FAM178B: variants seen among roughly 807,000 people sequenced by gnomAD.
FAM178B encodes the protein family with sequence similarity 178 member B, also known as protein FAM178B.
FAM178B carries 82 observed loss-of-function variants against 91.7 expected under a neutral mutation model. The ratio of observed to expected loss-of-function variants is 0.89; its 90% CI spans 0.75 to 1.07. The LOEUF (loss-of-function observed/expected upper bound fraction) is 1.07, where lower values mean the gene tolerates loss of function less well. Among genes scored for constraint, FAM178B ranks in the 50% least tolerant of loss-of-function variants. The probability of loss-of-function intolerance (pLI) is 0.00; values close to 1 mark genes in which losing one functional copy is unlikely to be tolerated. For missense variants in FAM178B, 769 were observed against 846.7 expected, an observed-to-expected ratio of 0.91 and a Z score of 1.14; for synonymous variants, 368 against 359.4, an observed-to-expected ratio of 1.02 and a Z score of -0.27.
intron 12 of FAM178B, among the ~76,000 whole-genome samples, chr2:96,908,543 A>G (rs1311579765): frequency 6.6e-6 from 1 of 152,102 alleles, no homozygotes; most frequent in Non-Finnish European, 1.5e-5. Context: ...CTCAAAAACC[A>G]ACCAACCAAC....
At chr2:96,949,514 T>C (rs959188605) in intron 7 of FAM178B, among the ~76,000 whole-genome samples, 1 of 152,154 alleles carries the variant, frequency 6.6e-6, no homozygotes, top group Non-Finnish European at 1.5e-5. Context: ...TCCCCATCCC[T>C]GGGTCCAGCT....
chr2:96,940,420 G>C (rs570615504), intron 8 of FAM178B, among the ~76,000 whole-genome samples: 37 of 152,322 alleles, frequency 2.4e-4, no homozygotes, highest in Admixed American at 7.2e-4. Context: ...CCACAAGAGA[G>C]GCAGATCGGG....
chr2:96,947,733 C>T (rs933396369), intron 8 of FAM178B, 85 bp downstream of exon 8: 17 of 759,994 alleles, frequency 2.2e-5, no homozygotes, highest in African/African-American at 3.6e-5. Flanking sequence ...ATCTCGCCTG[C>T]AGCTGGGCTC....
intron 12 of FAM178B, among the ~76,000 whole-genome samples, chr2:96,906,864 A>G (rs557514032): frequency 6.6e-6 from 1 of 152,344 alleles, no homozygotes; most frequent in South Asian, 2.1e-4. Flanking sequence ...AGTGAACTCA[A>G]AGCCAGTCAG....
chr2:96,889,948 G>A (rs2080629175), intron 14 of FAM178B, among the ~76,000 whole-genome samples: 1 of 147,738 alleles, frequency 6.8e-6, no homozygotes, highest in Non-Finnish European at 1.5e-5. Context: ...TGACCAGCCT[G>A]GGCAACGTGA....
At chr2:96,895,737 G>A (rs1244896237) in intron 13 of FAM178B, among the ~76,000 whole-genome samples, 1 of 152,238 alleles carries the variant, frequency 6.6e-6, no homozygotes, top group African/African-American at 2.4e-5. Flanking sequence ...CAGAAGCAGG[G>A]TGGCCATGGG....
chr2:96,890,723 A>G (rs1431824201), intron 14 of FAM178B, among the ~76,000 whole-genome samples: 4 of 152,180 alleles, frequency 2.6e-5, no homozygotes, highest in Non-Finnish European at 5.9e-5. Context: ...TGGGAAGGCA[A>G]CTGGGGCGAA....
At chr2:96,929,876 G>T (rs2081510743) in intron 8 of FAM178B, among the ~76,000 whole-genome samples, 1 of 152,188 alleles carries the variant, frequency 6.6e-6, no homozygotes, top group East Asian at 1.9e-4. Flanking sequence ...GCGCTATGGG[G>T]ACCAGTTTCC....
At chr2:96,976,556 A>G (rs1386489869) in intron 1 of FAM178B, among the ~76,000 whole-genome samples, 1 of 152,000 alleles carries the variant, frequency 6.6e-6, no homozygotes, top group African/African-American at 2.4e-5. Context: ...TCAAAAAGTG[A>G]AAACAGGGCT....
Position 96,904,013 on chromosome 2 carries a change from G to A in FAM178B, c.1563-1306C>T, listed in dbSNP as rs1162641344. Among the ~76,000 whole-genome samples, 3 of 152,158 alleles carry A rather than the reference G, an allele frequency of 2.0e-5. No individual in the cohort carries two copies. The East Asian group carries it at 5.8e-4, about 29-fold the overall frequency. On this transcript the variant is annotated intron_variant, in intron 12 of 16. Transcript: ENST00000490605. Reference sequence around the variant, plus strand: ...AACACGAGCTGGGGCCATGCCAGGTGCTGGTGGGGGCGCAGGGTTATGGGC... The same window carrying A: ...AACACGAGCTGGGGCCATGCCAGGTACTGGTGGGGGCGCAGGGTTATGGGC...
intron 8 of FAM178B, among the ~76,000 whole-genome samples, chr2:96,939,409 T>C (rs2081688095): frequency 6.6e-6 from 1 of 152,008 alleles, no homozygotes; most frequent in South Asian, 2.1e-4. Context: ...GGCAGGAGAA[T>C]GGCGTGAACC....
intron 1 of FAM178B, among the ~76,000 whole-genome samples, chr2:96,984,870 A>C (rs2082404180): frequency 6.6e-6 from 1 of 152,082 alleles, no homozygotes. Context: ...TGCGTCTCCA[A>C]CTCTGGATCC....
intron 12 of FAM178B, among the ~76,000 whole-genome samples, chr2:96,903,125 C>T (rs943461643): frequency 6.6e-6 from 1 of 152,166 alleles, no homozygotes; most frequent in African/African-American, 2.4e-5. Flanking sequence ...CTGCAAGCTC[C>T]GCCTCCCGGG....
At chr2:96,952,672 C>T (rs1353154848) in intron 6 of FAM178B, among the ~76,000 whole-genome samples, 1 of 152,146 alleles carries the variant, frequency 6.6e-6, no homozygotes, top group Non-Finnish European at 1.5e-5. Context: ...ACTTTGTCAC[C>T]GTTCCTGAGC....
chr2:96,903,245 TAGCCAGGATA>T, intron 12 of FAM178B, among the ~76,000 whole-genome samples: 1 of 152,324 alleles, frequency 6.6e-6, no homozygotes, highest in Middle Eastern at 3.4e-3. Context: ...TTCACCATGT[TAGCCAGGATA>T]GTCTCGATCT....
chr2:96,914,365 A>C (rs577514813), intron 12 of FAM178B, among the ~76,000 whole-genome samples: 1 of 152,326 alleles, frequency 6.6e-6, no homozygotes, highest in East Asian at 1.9e-4. Flanking sequence ...GAGGGTGGGC[A>C]TCAAGACACA....
At chr2:96,917,575 C>G (rs2081262307) in intron 12 of FAM178B, among the ~76,000 whole-genome samples, 1 of 152,148 alleles carries the variant, frequency 6.6e-6, no homozygotes, top group African/African-American at 2.4e-5. Flanking sequence ...GACCAAAAAG[C>G]TGAGGCATGG....
Position 96,894,075 on chromosome 2 carries a change from C to T in FAM178B, c.1651-24G>A, listed in dbSNP as rs765961295. ...AGCTGGGGAGGAGAAGGGAGGCTGT[C>T]ACTCACAGAGGGTGGTGGCCAAGAG... On this transcript the variant is annotated intron_variant, in intron 13 of 16. Coordinates refer to ENST00000490605, the MANE Select transcript of FAM178B (RefSeq NM_001122646.3). 1.7e-5 allele frequency: 27 copies of T among 1,588,508 alleles called. 1 individual carries two copies. In the South Asian group the frequency reaches 2.6e-4, roughly 15 times the overall value.
chr2:96,880,231 T>C (rs1029818360), intron 14 of FAM178B, among the ~76,000 whole-genome samples: 2 of 151,824 alleles, frequency 1.3e-5, no homozygotes, highest in Non-Finnish European at 2.9e-5. Context: ...AAAGGAACAG[T>C]AGGATTCGAG....
Sources: gnomAD v4.1 joint callset for allele counts (sites outside exome capture counted in the v4.1 genomes callset) on GRCh38, gnomAD v4.1.1 for gene constraint, MANE v1.5 for transcripts, NCBI Gene and HGNC (gene_info 2026-07-23, HGNC 2026-07-21) for gene names.